Variants in KMT2C observed in about 807,000 individuals in gnomAD.
KMT2C encodes the protein histone-lysine N-methyltransferase 2C.
Under a neutral mutation model 507.9 loss-of-function variants are expected in KMT2C, and 88 were observed. The observed-to-expected ratio is 0.17, with a 90% CI of 0.15 to 0.21. The LOEUF is 0.21. Ranked by LOEUF, KMT2C falls within the 10% of genes least tolerant of loss-of-function variation. The pLI is 1.00. For synonymous variants in KMT2C, 2,049 were observed against 2,080.8 expected (o/e 0.98, Z 0.42); for missense variants, 4,954 against 5,957.8 (o/e 0.83, Z 5.55).
chr7:152,357,831 A>G (rs2097164857), intron 2 of KMT2C, among the ~76,000 whole-genome samples: 1 of 152,330 alleles, frequency 6.6e-6, no homozygotes, highest in South Asian at 2.1e-4. Flanking sequence ...GGAAAAATGT[A>G]TTTTAAAATC....
At position 152,222,650 on chromosome 7, in the gene KMT2C, G is replaced by A; in HGVS notation, c.3356C>T (p.Thr1119Ile). Residue 1119 changes from threonine (T) to isoleucine (I), a missense_variant, in exon 21 of 59, where the codon ACT becomes ATT. By Grantham distance (89) the Thr-to-Ile change is moderately conservative. Around this residue, in one of 29 missense-constraint regions of KMT2C, gnomAD observed 52 missense variants for 162.4 expected, o/e 0.32. Coordinates refer to ENST00000262189, the MANE Select transcript of KMT2C (RefSeq NM_170606.3). ...TGCTACATTTTCCACTTCTTCCTCA[G>A]TATTTAAGTTCTGACAAACTGCATG... is the stretch of plus-strand genomic sequence containing the variant. ...WMHAVCQNLN[T>I]EEEVENVADI... The A allele has an allele frequency of 1.2e-6, 2 of 1,609,552 alleles. No homozygotes were observed. The highest frequency in any genetic ancestry group is 1.7e-6 in the Non-Finnish European group (2 of 1,177,856).
rs909382573 is a variant in KMT2C at position 152,136,579 on chromosome 7, A to T, written c.*253T>A. On this transcript the variant is annotated 3_prime_UTR_variant, in exon 59 of 59. Transcript: ENST00000262189. ...AACAAAAAAAAAAGAAAAGGAAAAGAAAAAAAAGCAAAAGTGCTGGACCAT... is the reference window on the plus strand; with the variant it reads ...AACAAAAAAAAAAGAAAAGGAAAAGTAAAAAAAGCAAAAGTGCTGGACCAT... 2.6e-6 allele frequency: 1 copy of T among 387,556 alleles called. No homozygotes were observed. The highest frequency in any genetic ancestry group is 2.1e-5 in the African/African-American group (1 of 48,142). The allele number at this position is 387,556 out of a possible 1,614,324, so 24.0% of individuals were successfully genotyped here. A position where few individuals can be genotyped will look rare whatever the true frequency, so the allele number is the denominator to read the frequency against.
intron 1 of KMT2C, among the ~76,000 whole-genome samples, chr7:152,361,954 C>T (rs2097200988): frequency 6.6e-6 from 1 of 152,132 alleles, no homozygotes; most frequent in Admixed American, 6.5e-5. Flanking sequence ...ACACATTGAG[C>T]AAGCATTACT....
In KMT2C at chr7:152,436,003, C is replaced by A; in HGVS notation, c.-217G>T. Reference sequence around the variant, plus strand: ...CACACATCGGCGCGGGCGCGCGCACCTCCGCGCGCAGGGGCCGGGCGGGGG... The same window carrying A: ...CACACATCGGCGCGGGCGCGCGCACATCCGCGCGCAGGGGCCGGGCGGGGG... On this transcript the variant is annotated 5_prime_UTR_variant, in exon 1 of 59. Transcript: ENST00000262189. The A allele has an allele frequency of 9.7e-6, 2 of 207,214 alleles. No individual in the cohort carries two copies. Among genetic ancestry groups the A allele is most frequent in the Non-Finnish European group, 1.9e-5 (2 of 105,920 alleles). The allele number at this position is 207,214 out of a possible 1,614,324, so 12.8% of individuals were successfully genotyped here.
chr7:152,145,322 G>A (rs2129093447), intron 53 of KMT2C, 27 bp from the exon 54 acceptor site: 1 of 1,610,770 alleles, frequency 6.2e-7, no homozygotes, highest in African/African-American at 1.3e-5. Context: ...CAGACACAAA[G>A]TCACCCCATC....
intron 1 of KMT2C, among the ~76,000 whole-genome samples, chr7:152,417,231 G>A (rs528292820): frequency 6.6e-6 from 1 of 152,186 alleles, no homozygotes; most frequent in South Asian, 2.1e-4. Flanking sequence ...CGACTCTCCT[G>A]CCACAGCCTC....
In KMT2C at chr7:152,157,809, A is replaced by G. The variant is rs773299163; in HGVS notation, c.11670+1054T>C. ...AGTCCGAAACCCCTTCCAGGGTAGC[A>G]CTGCCAAAAGTTCCTAGAAGTCGAT... On this transcript the variant is annotated intron_variant, in intron 44 of 58. Coordinates refer to ENST00000262189, the MANE Select transcript of KMT2C (RefSeq NM_170606.3). 6.0e-6 allele frequency: 8 copies of G among 1,326,288 alleles called. No individual in the cohort carries two copies. In the South Asian group the frequency reaches 9.6e-5, roughly 16 times the overall value. 82.2% of individuals were successfully genotyped at this position (1,326,288 alleles called of 1,614,324 possible).
rs535358913 is a variant in KMT2C, at chr7:152,215,825, G to A, written c.3712+4698C>T. ...GAGGTTTCTGGAGATGTAAACTGGG[G>A]GCATGAAGGCAGGGGAAAGGGAGAG... On this transcript the variant is annotated intron_variant, in intron 23 of 58. Coordinates refer to ENST00000262189, the MANE Select transcript of KMT2C (RefSeq NM_170606.3). 9.2e-5 allele frequency among the ~76,000 whole-genome samples: 14 copies of A among 151,858 alleles called. No individual in the cohort carries two copies. In the South Asian group the frequency reaches 1.7e-3, roughly 18 times the overall value.
At chr7:152,393,734 AAC>A (rs2097518983) in intron 1 of KMT2C, among the ~76,000 whole-genome samples, 1 of 152,148 alleles carries the variant, frequency 6.6e-6, no homozygotes, top group African/African-American at 2.4e-5. Flanking sequence ...CTCTACTAAA[AAC>A]ACAAAATTAG....
intron 27 of KMT2C, 31 bp downstream of exon 27, chr7:152,199,247 TA>T (rs2129132861): frequency 6.6e-7 from 1 of 1,524,068 alleles, no homozygotes; most frequent in African/African-American, 1.4e-5. Context: ...TTATATGATA[TA>T]AAGAAAATAT....
At chr7:152,250,302 T>C (rs1325841080) in intron 12 of KMT2C, among the ~76,000 whole-genome samples, 1 of 152,180 alleles carries the variant, frequency 6.6e-6, no homozygotes, top group Non-Finnish European at 1.5e-5. Flanking sequence ...TACTATATAA[T>C]TGAACATACA....
intron 1 of KMT2C, among the ~76,000 whole-genome samples, chr7:152,387,994 C>T (rs1489884332): frequency 1.3e-5 from 2 of 150,126 alleles, no homozygotes; most frequent in Non-Finnish European, 1.5e-5. Context: ...CTTTAAAGCT[C>T]TATCATTTAC....
chr7:152,143,435 G>A (rs899303537), intron 55 of KMT2C, among the ~76,000 whole-genome samples: 3 of 152,230 alleles, frequency 2.0e-5, no homozygotes, highest in African/African-American at 2.4e-5. Context: ...TGACATGCAT[G>A]AGAATCATCC....
In KMT2C at chr7:152,144,695, C is replaced by A. The variant is rs2129092616; in HGVS notation, c.14343+18G>T. The A allele has an allele frequency of 1.9e-6, 3 of 1,608,594 alleles. No homozygotes were observed. The highest frequency in any genetic ancestry group is 2.6e-6 in the Non-Finnish European group (3 of 1,176,060). ...CCACCCTGTCTCTCCACTTCCTGTA[C>A]ACAAAGTATTTCTTCACCTGAATCC... On this transcript the variant is annotated intron_variant, in intron 55 of 58. Coordinates refer to ENST00000262189, the MANE Select transcript of KMT2C (RefSeq NM_170606.3). The surrounding 1 kb of genome is among the most constrained non-coding windows in gnomAD (Gnocchi z 4.4).
intron 34 of KMT2C, among the ~76,000 whole-genome samples, chr7:152,184,448 T>G (rs1187433131): frequency 6.6e-6 from 1 of 152,202 alleles, no homozygotes; most frequent in Non-Finnish European, 1.5e-5. Flanking sequence ...AGAAAATAAT[T>G]TACCATATGA....
rs1304444955 is a variant in KMT2C, at chr7:152,148,394, A to T, written c.13533T>A (p.Ile4511=). 1 of 1,614,144 alleles carries T rather than the reference A, an allele frequency of 6.2e-7. No homozygotes were observed. Among genetic ancestry groups the T allele is most frequent in the African/African-American group, 1.3e-5 (1 of 74,944 alleles). ...MLCPMHKPKG[I]HEQELSYFAV... is the part of the protein sequence containing the mutation. ...CAAAGTAACTTAATTCTTGCTCATG[A>T]ATTCCCTTTGGTTTGTGCATGGGGC... is the stretch of plus-strand genomic sequence containing the variant. The change falls in exon 52 of 59, where the codon ATT becomes ATA. Residue 4511 remains isoleucine (I), a synonymous_variant. Coordinates refer to ENST00000262189, the MANE Select transcript of KMT2C (RefSeq NM_170606.3). This position sits in a 1 kb window ranked among gnomAD's most constrained non-coding sequence, Gnocchi z 7.1.
intron 27 of KMT2C, among the ~76,000 whole-genome samples, chr7:152,198,836 T>C (rs2094043779): frequency 6.6e-6 from 1 of 152,208 alleles, no homozygotes; most frequent in South Asian, 2.1e-4. Context: ...CTGTCAGCAG[T>C]AAGAAACCAT....
intron 20 of KMT2C, among the ~76,000 whole-genome samples, chr7:152,223,389 A>C (rs1257780254): frequency 1.3e-5 from 2 of 152,124 alleles, no homozygotes; most frequent in African/African-American, 4.8e-5. Context: ...TATTTTTTAT[A>C]ATCTATTAGA....
At position 152,177,613 on chromosome 7, in the gene KMT2C, C is replaced by G. The variant is rs750597117; in HGVS notation, c.7840G>C (p.Gly2614Arg). 1 of 1,613,992 alleles carries G rather than the reference C, an allele frequency of 6.2e-7. No individual in the cohort carries two copies. Among genetic ancestry groups the G allele is most frequent in the South Asian group, 1.1e-5 (1 of 91,062 alleles). Reference sequence around the variant, plus strand: ...TGCACAGGTAGCTGATTAGGTAGACCCTGGGGAGGTCGTCGCATGGGGTCT... The same window carrying G: ...TGCACAGGTAGCTGATTAGGTAGACGCTGGGGAGGTCGTCGCATGGGGTCT... ...HTDPMRRPPQ[G>R]LPNQLPVHPD... Residue 2614 changes from glycine (G) to arginine (R), a missense_variant, in exon 38 of 59, where the codon GGT becomes CGT. Physicochemically the swap from Gly to Arg is moderately radical, Grantham distance 125. Transcript: ENST00000262189.
Sources: gnomAD v4.1 joint callset for allele counts (sites outside exome capture counted in the v4.1 genomes callset) on GRCh38, gnomAD v4.1.1 for gene constraint, gnomAD v4.1.1 regional missense constraint, Gnocchi (gnomAD v3.1) non-coding constraint, MANE v1.5 for transcripts, NCBI Gene and HGNC (gene_info 2026-07-23, HGNC 2026-07-21) for gene names.